Variants in AUTS2 observed in about 807,000 individuals in gnomAD.
The protein encoded by AUTS2 is autism susceptibility gene 2 protein.
In AUTS2, 17 loss-of-function variants were observed where a neutral mutation model predicts 112.4. The ratio of observed to expected loss-of-function variants is 0.15; its 90% CI spans 0.10 to 0.23. The LOEUF is 0.23. Ranked by LOEUF, AUTS2 falls within the 10% of genes least tolerant of loss-of-function variation. AUTS2 has a pLI of 1.00. For missense variants in AUTS2, 1,510 were observed against 1,701.6 expected (o/e 0.89, Z 1.98); for synonymous variants, 751 against 702.7 (o/e 1.07, Z -1.09).
intron 1 of AUTS2, among the ~76,000 whole-genome samples, chr7:69,864,078 A>G (rs1163653865): frequency 6.6e-6 from 1 of 152,170 alleles, no homozygotes; most frequent in Non-Finnish European, 1.5e-5. Flanking sequence ...AGACATTACA[A>G]TGTTTAAACC....
intron 5 of AUTS2, among the ~76,000 whole-genome samples, chr7:70,522,153 A>C (rs1169058561): frequency 6.6e-6 from 1 of 152,234 alleles, no homozygotes; most frequent in Non-Finnish European, 1.5e-5. Context: ...CAGAGAAATC[A>C]GTGCATTTTT....
chr7:70,572,429 C>T (rs1801982545), intron 5 of AUTS2, among the ~76,000 whole-genome samples: 1 of 112,566 alleles, frequency 8.9e-6, no homozygotes, highest in Non-Finnish European at 1.6e-5. Context: ...AGGGTTCCAG[C>T]AAATGGAGTC....
chr7:70,376,788 A>G (rs1435788098), intron 4 of AUTS2, among the ~76,000 whole-genome samples: 1 of 150,742 alleles, frequency 6.6e-6, no homozygotes, highest in East Asian at 1.9e-4. Context: ...TAACAGTTTC[A>G]CATTGTCTTT....
intron 2 of AUTS2, among the ~76,000 whole-genome samples, chr7:69,995,854 A>T (rs925185120): frequency 6.6e-6 from 1 of 152,152 alleles, no homozygotes; most frequent in Non-Finnish European, 1.5e-5. Context: ...CATTTTAGGA[A>T]GCTGTACTGC....
chr7:69,659,298 A>G (rs562163867), intron 1 of AUTS2, among the ~76,000 whole-genome samples: 7 of 152,310 alleles, frequency 4.6e-5, no homozygotes, highest in African/African-American at 1.7e-4. Context: ...ACAAGGGTCT[A>G]AGCTTTCCTA....
At chr7:70,279,345 C>T (rs781223292) in intron 4 of AUTS2, among the ~76,000 whole-genome samples, 1 of 152,194 alleles carries the variant, frequency 6.6e-6, no homozygotes, top group African/African-American at 2.4e-5. Context: ...TTGGAAAGTT[C>T]AGATGTACTG....
chr7:70,738,418 G>GTTTTTTTTT (rs10683693), intron 6 of AUTS2, among the ~76,000 whole-genome samples: 1 of 142,906 alleles, frequency 7.0e-6, no homozygotes, highest in Non-Finnish European at 1.5e-5. Context: ...CAAGTTTTTT[G>GTTTTTTTTT]TTTTTTTTTT....
At chr7:69,690,751 C>A (rs775044393) in intron 1 of AUTS2, among the ~76,000 whole-genome samples, 56 of 152,232 alleles carry the variant, frequency 3.7e-4, no homozygotes, top group Non-Finnish European at 7.8e-4. Flanking sequence ...TGCAACTCTT[C>A]TCTCTTTCTC....
intron 1 of AUTS2, among the ~76,000 whole-genome samples, chr7:69,730,909 C>T (rs753817649): frequency 2.6e-5 from 4 of 152,144 alleles, no homozygotes; most frequent in Non-Finnish European, 5.9e-5. Context: ...GTTTCAAAGT[C>T]AGATCTGAGT....
chr7:70,667,055 G>C (rs1375488236), intron 5 of AUTS2, among the ~76,000 whole-genome samples: 1 of 150,092 alleles, frequency 6.7e-6, no homozygotes, highest in Non-Finnish European at 1.5e-5. Context: ...ACATTTTTCA[G>C]ACCTGACTTT....
intron 4 of AUTS2, among the ~76,000 whole-genome samples, chr7:70,403,909 A>T: frequency 6.6e-6 from 1 of 152,196 alleles, no homozygotes; most frequent in African/African-American, 2.4e-5. Context: ...AATTCTTAAA[A>T]GAACTGATTT....
At chr7:69,788,064 C>T (rs1278365875) in intron 1 of AUTS2, among the ~76,000 whole-genome samples, 1 of 152,136 alleles carries the variant, frequency 6.6e-6, no homozygotes, top group Non-Finnish European at 1.5e-5. Context: ...GAAGAAATTG[C>T]TCTTGGTGAA....
At chr7:70,047,315 A>G (rs1298082351) in intron 2 of AUTS2, among the ~76,000 whole-genome samples, 1 of 152,244 alleles carries the variant, frequency 6.6e-6, no homozygotes, top group Non-Finnish European at 1.5e-5. Context: ...CACCTATAGT[A>G]TTCCAGGCAG....
intron 2 of AUTS2, among the ~76,000 whole-genome samples, chr7:69,911,073 A>G (rs1795334303): frequency 6.6e-6 from 1 of 152,210 alleles, no homozygotes; most frequent in South Asian, 2.1e-4. Context: ...ATTCAAGATC[A>G]GATTTGGGTG....
chr7:70,245,601 G>A (rs1812883057), intron 4 of AUTS2, among the ~76,000 whole-genome samples: 1 of 152,110 alleles, frequency 6.6e-6, no homozygotes, highest in Non-Finnish European at 1.5e-5. Context: ...CTGCCCTGTA[G>A]TGTTCCATTG....
chr7:70,419,443 G>C (rs1355378511), intron 4 of AUTS2, among the ~76,000 whole-genome samples: 1 of 149,354 alleles, frequency 6.7e-6, no homozygotes, highest in South Asian at 2.1e-4. Flanking sequence ...GGGCTGGGGG[G>C]TGGGGGGAGT....
At chr7:69,943,907 T>C (rs907960618) in intron 2 of AUTS2, among the ~76,000 whole-genome samples, 11 of 152,194 alleles carry the variant, frequency 7.2e-5, no homozygotes, top group Admixed American at 6.5e-4. Flanking sequence ...GTGTGAATCA[T>C]CAGTCAAAAC....
chr7:70,022,323 ATTT>A (rs373158257), intron 2 of AUTS2, among the ~76,000 whole-genome samples: 1 of 141,018 alleles, frequency 7.1e-6, no homozygotes. Flanking sequence ...AGACTAATAG[ATTT>A]TTTTTTTTTT....
intron 4 of AUTS2, among the ~76,000 whole-genome samples, chr7:70,361,936 A>G (rs1250399394): frequency 6.6e-6 from 1 of 152,212 alleles, no homozygotes; most frequent in East Asian, 1.9e-4. Flanking sequence ...ACACTCATAC[A>G]CAAACTTAAA....
Sources: allele counts gnomAD v4.1 joint callset (sites outside exome capture counted in the v4.1 genomes callset), GRCh38; gene constraint gnomAD v4.1.1; transcripts MANE v1.5; gene names NCBI Gene and HGNC (gene_info 2026-07-23, HGNC 2026-07-21).